The following STK3 variants were observed in gnomAD, a reference collection of about 807,000 sequenced individuals.
STK3 encodes the protein serine/threonine-protein kinase 3.
STK3 carries 41 observed loss-of-function variants against 58.0 expected under a neutral mutation model. That is an observed-to-expected ratio of 0.71 (90% confidence interval 0.55 to 0.92). STK3 has a LOEUF of 0.92. STK3 is among the 40% of genes least tolerant of loss of function. STK3 has a pLI of 0.00. For missense variants in STK3, 479 were observed against 602.7 expected, an observed-to-expected ratio of 0.79 and a Z score of 2.15; for synonymous variants, 170 against 191.0, an observed-to-expected ratio of 0.89 and a Z score of 0.91.
chr8:98,891,362 T>C (rs1483252698), intron 1 of STK3, among the ~76,000 whole-genome samples: 1 of 152,238 alleles, frequency 6.6e-6, no homozygotes, highest in Non-Finnish European at 1.5e-5. Flanking sequence ...TTCTCGTTTA[T>C]GGCTCCAACA....
At chr8:98,585,310 A>C (rs574945745) in intron 7 of STK3, among the ~76,000 whole-genome samples, 1 of 152,342 alleles carries the variant, frequency 6.6e-6, no homozygotes, top group South Asian at 2.1e-4. Flanking sequence ...AGCCTTCTAC[A>C]TATGACTAGC....
intron 6 of STK3, among the ~76,000 whole-genome samples, chr8:98,689,572 G>C (rs1345500991): frequency 2.0e-5 from 3 of 152,152 alleles, no homozygotes; most frequent in Non-Finnish European, 4.4e-5. Context: ...CTGGAGCTCA[G>C]GAGTTTGACA....
chr8:98,878,954 A>G (rs1837689153), downstream of STK3: 1 of 132,580 alleles, frequency 7.5e-6, no homozygotes, highest in South Asian at 2.3e-4. Flanking sequence ...GCTGGAGTGC[A>G]GTGGTGCGAT....
chr8:98,669,871 C>G (rs1822692293), intron 6 of STK3, among the ~76,000 whole-genome samples: 1 of 152,202 alleles, frequency 6.6e-6, no homozygotes, highest in Non-Finnish European at 1.5e-5. Flanking sequence ...AGATCCCTTT[C>G]AAACGATAGA....
At chr8:98,517,901 T>C (rs1488678227) in intron 10 of STK3, among the ~76,000 whole-genome samples, 2 of 152,072 alleles carry the variant, frequency 1.3e-5, no homozygotes, top group African/African-American at 2.4e-5. Context: ...ACATCCAAAA[T>C]TGGGTTATGA....
chr8:98,720,273 A>G (rs1827302291), intron 4 of STK3, among the ~76,000 whole-genome samples: 1 of 152,244 alleles, frequency 6.6e-6, no homozygotes, highest in African/African-American at 2.4e-5. Flanking sequence ...TTAAGTAAGT[A>G]AGCAGAAACA....
downstream of STK3, among the ~76,000 whole-genome samples, chr8:98,370,963 G>A (rs534373276): frequency 2.0e-5 from 3 of 152,304 alleles, no homozygotes; most frequent in East Asian, 5.8e-4. Context: ...ACTTTGCCTA[G>A]AGTAGGCACT....
intron 3 of STK3, among the ~76,000 whole-genome samples, chr8:98,857,494 C>T (rs544887069): frequency 1.3e-5 from 2 of 151,890 alleles, no homozygotes; most frequent in East Asian, 3.9e-4. Context: ...ATGTATTTGC[C>T]TTATTAACAA....
chr8:98,651,177 C>T (rs753761733), intron 6 of STK3, among the ~76,000 whole-genome samples: 14 of 152,176 alleles, frequency 9.2e-5, no homozygotes, highest in East Asian at 7.7e-4. Context: ...GCAGCATTCG[C>T]GGTCACGAAA....
chr8:98,936,999 C>T (rs1704887712), intron 1 of STK3, among the ~76,000 whole-genome samples: 1 of 152,210 alleles, frequency 6.6e-6, no homozygotes, highest in Non-Finnish European at 1.5e-5. Flanking sequence ...GCTTCTCATA[C>T]TGGTATGTCT....
chr8:98,520,589 T>G (rs1260930261), intron 10 of STK3, among the ~76,000 whole-genome samples: 1 of 152,084 alleles, frequency 6.6e-6, no homozygotes, highest in Non-Finnish European at 1.5e-5. Flanking sequence ...GGCAGAAGGA[T>G]GAAGCCTTCT....
intron 3 of STK3, among the ~76,000 whole-genome samples, chr8:98,409,383 C>A (rs191526114): frequency 2.0e-5 from 3 of 152,322 alleles, no homozygotes; most frequent in Non-Finnish European, 2.9e-5. Flanking sequence ...TCTGTCTGCA[C>A]GAGGAGCCCG....
intron 8 of STK3, among the ~76,000 whole-genome samples, chr8:98,570,756 T>C (rs1356195051): frequency 1.3e-5 from 2 of 152,224 alleles, no homozygotes; most frequent in Admixed American, 6.5e-5. Context: ...TTATTGAGCA[T>C]ACTATGTGCA....
intron 9 of STK3, among the ~76,000 whole-genome samples, chr8:98,528,130 T>A (rs1409061597): frequency 6.6e-6 from 1 of 152,216 alleles, no homozygotes; most frequent in Non-Finnish European, 1.5e-5. Flanking sequence ...TTAGTTTAGC[T>A]TCTAATCACT....
chr8:98,903,045 C>A lies in STK3; in HGVS notation c.-78-19211G>T, dbSNP rs138492803. Among the ~76,000 whole-genome samples the A allele has an allele frequency of 3.3e-3, 495 of 152,256 alleles. 2 individuals are homozygous for A. Among genetic ancestry groups the A allele is most frequent in the African/African-American group, 0.011 (474 of 41,524 alleles). ...TAACCTAAAAGACTCTGGCTTCTAC[C>A]GCCTCTTTAGCACCATCTCCTTCTG... On this transcript the variant is annotated intron_variant, in intron 1 of 1. Coordinates refer to the STK3 transcript ENST00000519420.
chr8:98,400,019 T>A (rs1316460517), downstream of STK3, among the ~76,000 whole-genome samples: 3 of 152,158 alleles, frequency 2.0e-5, no homozygotes, highest in Non-Finnish European at 4.4e-5. Flanking sequence ...TCCTTCTTGA[T>A]AGAAGCTGCT....
chr8:98,658,984 T>C (rs1458393377), intron 6 of STK3, among the ~76,000 whole-genome samples: 1 of 152,098 alleles, frequency 6.6e-6, no homozygotes, highest in Admixed American at 6.6e-5. Flanking sequence ...AAATACTTAT[T>C]GTGTTACAAT....
intron 3 of STK3, among the ~76,000 whole-genome samples, chr8:98,420,999 A>C (rs1818167040): frequency 6.6e-6 from 1 of 152,212 alleles, no homozygotes; most frequent in African/African-American, 2.4e-5. Context: ...GGACTGGGAC[A>C]GCTAGCTTCA....
At position 98,856,857 on chromosome 8, in the gene STK3, A is replaced by G. The variant is rs145501795; in HGVS notation, c.110+26790T>C. On this transcript the variant is annotated intron_variant, in intron 3 of 12. Coordinates refer to the STK3 transcript ENST00000523601. ...TGAAATGTGGTACATCTATGTAATTAAATGTTACTGGGCCATAAAACAGAA... is the reference window on the plus strand; with the variant it reads ...TGAAATGTGGTACATCTATGTAATTGAATGTTACTGGGCCATAAAACAGAA... 8.5e-3 allele frequency among the ~76,000 whole-genome samples: 1,297 copies of G among 152,372 alleles called. 12 individuals carry two copies. Among genetic ancestry groups the G allele is most frequent in the African/African-American group, 0.029 (1,220 of 41,586 alleles).
Sources: allele counts gnomAD v4.1 joint callset (sites outside exome capture counted in the v4.1 genomes callset), GRCh38; gene constraint gnomAD v4.1.1; transcripts MANE v1.5; gene names NCBI Gene and HGNC (gene_info 2026-07-23, HGNC 2026-07-21).